ARHGAP32: variants seen among roughly 807,000 people sequenced by gnomAD.
ARHGAP32 encodes Rho GTPase activating protein 32, also known as rho GTPase-activating protein 32.
A neutral mutation model predicts 186.5 loss-of-function variants in ARHGAP32; 51 were observed. The ratio of observed to expected loss-of-function variants is 0.27; its 90% confidence interval spans 0.22 to 0.35. ARHGAP32 has a LOEUF of 0.35. ARHGAP32 is among the 10% of genes least tolerant of loss of function. ARHGAP32 has a pLI of 1.00. For missense variants in ARHGAP32, 2,186 were observed against 2,623.5 expected (o/e 0.83, Z 3.64); for synonymous variants, 950 against 964.3 (o/e 0.99, Z 0.27).
intron 6 of ARHGAP32, among the ~76,000 whole-genome samples, chr11:129,089,701 T>C (rs1337554825): frequency 6.6e-6 from 1 of 152,208 alleles, no homozygotes; most frequent in African/African-American, 2.4e-5. Context: ...ACCACGATAC[T>C]AACAATATTT....
intron 10 of ARHGAP32, among the ~76,000 whole-genome samples, chr11:129,043,576 T>A (rs1378184739): frequency 6.6e-6 from 1 of 151,812 alleles, no homozygotes; most frequent in Admixed American, 6.6e-5. Flanking sequence ...TTAGTAGAGA[T>A]GGGTTTTCTC....
At chr11:129,152,555 C>G (rs997981337) in intron 2 of ARHGAP32, among the ~76,000 whole-genome samples, 2 of 152,076 alleles carry the variant, frequency 1.3e-5, no homozygotes, top group Non-Finnish European at 2.9e-5. Flanking sequence ...GTGGGTTTCA[C>G]AGCAGGAATG....
chr11:129,163,227 C>T (rs1943565849), intron 2 of ARHGAP32, among the ~76,000 whole-genome samples: 1 of 152,108 alleles, frequency 6.6e-6, no homozygotes, highest in Non-Finnish European at 1.5e-5. Context: ...AGTAAAATAT[C>T]ATTACAGATC....
intron 1 of ARHGAP32, among the ~76,000 whole-genome samples, chr11:129,233,552 A>G (rs552219944): frequency 6.6e-6 from 1 of 152,226 alleles, no homozygotes; most frequent in African/African-American, 2.4e-5. Context: ...CGGATGCCTT[A>G]GAGAAGTCAT....
At chr11:129,159,786 C>T (rs911039585) in intron 2 of ARHGAP32, among the ~76,000 whole-genome samples, 2 of 152,080 alleles carry the variant, frequency 1.3e-5, no homozygotes, top group African/African-American at 4.8e-5. Flanking sequence ...AATTTCAGGC[C>T]AATATCCCTG....
intron 5 of ARHGAP32, among the ~76,000 whole-genome samples, chr11:129,113,989 C>G (rs1159289594): frequency 1.3e-5 from 2 of 152,054 alleles, no homozygotes; most frequent in African/African-American, 4.8e-5. Context: ...ATTCTTTAGT[C>G]TCTCATGTCT....
intron 11 of ARHGAP32, among the ~76,000 whole-genome samples, chr11:129,003,620 C>T (rs1451429140): frequency 3.9e-5 from 6 of 152,090 alleles, no homozygotes; most frequent in African/African-American, 1.4e-4. Context: ...GTAGGCTGAA[C>T]ATGTCTAGGA....
chr11:129,094,790 A>T (rs1208041527), intron 5 of ARHGAP32, among the ~76,000 whole-genome samples: 1 of 152,192 alleles, frequency 6.6e-6, no homozygotes, highest in Non-Finnish European at 1.5e-5. Context: ...GCGGTCCCAG[A>T]GATGGACAAC....
At chr11:129,078,943 G>A (rs1941136907) in intron 6 of ARHGAP32, among the ~76,000 whole-genome samples, 1 of 151,520 alleles carries the variant, frequency 6.6e-6, no homozygotes, top group Non-Finnish European at 1.5e-5. Flanking sequence ...GGAAGTGAAA[G>A]ACACACTTAG....
chr11:129,152,545 G>A (rs1943311443), intron 2 of ARHGAP32, among the ~76,000 whole-genome samples: 6 of 152,150 alleles, frequency 3.9e-5, no homozygotes, highest in Admixed American at 3.3e-4. Context: ...GCATGACCAA[G>A]TGGGTTTCAC....
At chr11:129,082,783 A>C (rs28835339) in intron 6 of ARHGAP32, among the ~76,000 whole-genome samples, 3,859 of 152,122 alleles carry the variant, frequency 0.025, 105 homozygotes, top group African/African-American at 0.062. Context: ...CAGAGTATAC[A>C]AACAACCCAC....
chr11:129,173,833 G>C (rs926528325), intron 1 of ARHGAP32, among the ~76,000 whole-genome samples: 1 of 152,094 alleles, frequency 6.6e-6, no homozygotes, highest in Non-Finnish European at 1.5e-5. Context: ...CTGAGATCAT[G>C]AACAAATCAA....
At chr11:129,194,945 T>C (rs1944372360), upstream of ARHGAP32, among the ~76,000 whole-genome samples, 2 of 125,040 alleles carry the variant, frequency 1.6e-5, no homozygotes, top group Non-Finnish European at 3.4e-5. Flanking sequence ...TGTTGTTTTT[T>C]TGTGGGGGGG....
At chr11:129,125,955 CT>C in intron 2 of ARHGAP32, 1 of 432,170 alleles carries the variant, frequency 2.3e-6, no homozygotes, top group Non-Finnish European at 4.6e-6. Context: ...CATCTTGCGG[CT>C]ACCACACGGA....
Position 129,056,278 on chromosome 11 carries a change from T to C in ARHGAP32, c.963+6002A>G, listed in dbSNP as rs376950569. On this transcript the variant is annotated intron_variant, in intron 10 of 22. Transcript: ENST00000682385. ...TGTAACTATACAAAAATCAAGTCTA[T>C]TGATTATTATTTTTATTTTTGACAA... is the stretch of plus-strand genomic sequence containing the variant. 2.6e-5 allele frequency among the ~76,000 whole-genome samples: 4 copies of C among 152,314 alleles called. No individual in the cohort carries two copies. The East Asian group carries it at 7.7e-4, about 29-fold the overall frequency.
intron 5 of ARHGAP32, among the ~76,000 whole-genome samples, chr11:129,103,546 A>G (rs1479502030): frequency 6.6e-6 from 1 of 152,104 alleles, no homozygotes; most frequent in Non-Finnish European, 1.5e-5. Context: ...CAAAATCAAG[A>G]AACTCAGTGC....
At chr11:129,193,673 TAATATATAATATATATTATATAA>T (rs1944340435), upstream of ARHGAP32, among the ~76,000 whole-genome samples, 1 of 49,716 alleles carries the variant, frequency 2.0e-5, no homozygotes, top group Admixed American at 4.0e-4. Flanking sequence ...ATATTATATA[TAATATATAATATATATTATATAA>T]TATATAATAT....
At chr11:129,066,961 G>C (rs867449796) in intron 6 of ARHGAP32, 93 bp from the exon 7 acceptor site, 1 of 1,114,980 alleles carries the variant, frequency 9.0e-7, no homozygotes. Context: ...TTATTCATGA[G>C]ATTTTATATT....
At chr11:129,126,626 C>T (rs1942667814) in intron 2 of ARHGAP32, among the ~76,000 whole-genome samples, 1 of 152,060 alleles carries the variant, frequency 6.6e-6, no homozygotes, top group South Asian at 2.1e-4. Context: ...GACAACAGCA[C>T]TCTAGACTCT....
Sources: gnomAD v4.1 joint callset for allele counts (sites outside exome capture counted in the v4.1 genomes callset) on GRCh38, gnomAD v4.1.1 for gene constraint, MANE v1.5 for transcripts, NCBI Gene and HGNC (gene_info 2026-07-23, HGNC 2026-07-21) for gene names.